ATAD2B: variants seen among roughly 807,000 people sequenced by gnomAD.
ATAD2B encodes the protein ATPase family AAA domain-containing protein 2B.
A neutral mutation model predicts 167.6 loss-of-function variants in ATAD2B; 40 were observed. That is an observed-to-expected ratio of 0.24 (90% CI 0.19 to 0.31). The LOEUF (loss-of-function observed/expected upper bound fraction) is 0.31. ATAD2B is among the 10% of genes least tolerant of loss of function. ATAD2B has a pLI of 1.00. For missense variants in ATAD2B, 1,242 were observed against 1,757.2 expected, an observed-to-expected ratio of 0.71 and a Z score of 5.24; for synonymous variants, 579 against 596.5, an observed-to-expected ratio of 0.97 and a Z score of 0.43.
At chr2:23,769,493 T>A (rs896826624) in intron 22 of ATAD2B, among the ~76,000 whole-genome samples, 3 of 151,994 alleles carry the variant, frequency 2.0e-5, no homozygotes, top group Admixed American at 1.3e-4. Flanking sequence ...CAGCCCTTTG[T>A]ATCCACAGGT....
chr2:23,892,602 GC>G (rs1347382390), intron 2 of ATAD2B, among the ~76,000 whole-genome samples: 3 of 151,696 alleles, frequency 2.0e-5, no homozygotes, highest in African/African-American at 7.3e-5. Flanking sequence ...CTCCCAACTA[GC>G]TGGGTACAGG....
intron 24 of ATAD2B, among the ~76,000 whole-genome samples, chr2:23,759,777 C>T (rs958431609): frequency 6.6e-6 from 1 of 152,140 alleles, no homozygotes; most frequent in African/African-American, 2.4e-5. Context: ...CTGTATTAAT[C>T]TACTGTTAAA....
At chr2:23,903,850 T>A (rs983683707) in intron 1 of ATAD2B, among the ~76,000 whole-genome samples, 5 of 152,084 alleles carry the variant, frequency 3.3e-5, no homozygotes, top group Non-Finnish European at 7.3e-5. Context: ...AGAAATTTAG[T>A]CCAGAAAACA....
At chr2:23,703,596 G>A in the ATAD2B span, 2 of 1,263,810 alleles carry the variant, frequency 1.6e-6, no homozygotes, top group Non-Finnish European at 2.1e-6. Context: ...CCCATCCCCA[G>A]GCCAATCAGT....
chr2:23,787,416 T>C (rs1346155690), intron 20 of ATAD2B, among the ~76,000 whole-genome samples: 1 of 152,028 alleles, frequency 6.6e-6, no homozygotes, highest in African/African-American at 2.4e-5. Flanking sequence ...TTGAAATAAA[T>C]CATTTTCATA....
At chr2:23,726,483 G>C in the ATAD2B span, among the ~76,000 whole-genome samples, 1 of 152,088 alleles carries the variant, frequency 6.6e-6, no homozygotes, top group Non-Finnish European at 1.5e-5. Context: ...CTTTTCATTA[G>C]CTGGAGGTAT....
chr2:23,681,332 G>A, the ATAD2B span, among the ~76,000 whole-genome samples: 1 of 152,216 alleles, frequency 6.6e-6, no homozygotes, highest in African/African-American at 2.4e-5. The surrounding 1 kb of genome is among the most constrained non-coding windows in gnomAD (Gnocchi z 4.2). Context: ...AGAGCAGAAA[G>A]CACCTACATT....
the ATAD2B span, chr2:23,703,735 C>T: frequency 9.1e-6 from 14 of 1,536,636 alleles, no homozygotes; most frequent in East Asian, 1.5e-4. Context: ...AGTATGCCCC[C>T]GCTGTCACGC....
chr2:23,714,875 T>C, the ATAD2B span, among the ~76,000 whole-genome samples: 1 of 151,378 alleles, frequency 6.6e-6, no homozygotes, highest in African/African-American at 2.4e-5. Context: ...AAGAAAAATA[T>C]ATGTATTTTT....
chr2:23,924,824 T>TAA lies in ATAD2B; in HGVS notation c.216+1730_216+1731insTT, dbSNP rs1288555971. On this transcript the variant is annotated intron_variant, in intron 1 of 27. Transcript: ENST00000238789. ...ACCAAATGTTCATTTCCTCATTAGA[T>TAA]TATTGATTCCTAGCCTTTTAACATC... Among the ~76,000 whole-genome samples the TAA allele has an allele frequency of 2.0e-5, 3 of 152,220 alleles. No individual in the cohort carries two copies. In the East Asian group the frequency reaches 5.8e-4, roughly 29 times the overall value.
At chr2:23,819,983 T>A in intron 16 of ATAD2B, 101 bp from the exon 17 acceptor site, 1 of 757,944 alleles carries the variant, frequency 1.3e-6, no homozygotes, top group Non-Finnish European at 2.0e-6. Context: ...CAAATGACAT[T>A]AATAAGTTAT....
chr2:23,812,909 A>C (rs1685834166), intron 17 of ATAD2B, among the ~76,000 whole-genome samples: 1 of 152,018 alleles, frequency 6.6e-6, no homozygotes. Context: ...AGTAACAAGC[A>C]CTTGATAGAG....
rs11386515 is a variant in ATAD2B at position 23,922,701 on chromosome 2, C to CAAAAAAAAAAAAAAA, written c.216+3839_216+3853dup. Among the ~76,000 whole-genome samples, 377 of 125,920 alleles carry CAAAAAAAAAAAAAAA rather than the reference C, an allele frequency of 3.0e-3. 4 individuals carry two copies. Among genetic ancestry groups the CAAAAAAAAAAAAAAA allele is most frequent in the African/African-American group, 7.6e-3 (234 of 30,992 alleles). The allele number at this position is 125,920 out of a possible 152,430, so 82.6% of individuals were successfully genotyped here. A position where few individuals can be genotyped will look rare whatever the true frequency, so the allele number is the denominator to read the frequency against. On this transcript the variant is annotated intron_variant, in intron 1 of 27. Coordinates refer to ENST00000238789, the MANE Select transcript of ATAD2B (RefSeq NM_017552.4). ...TGGGCATCAGAGTAAGACTCTGTCT[C>CAAAAAAAAAAAAAAA]AAAAAAAAAAAAAAAGGGTCCTAAC...
Position 23,926,704 on chromosome 2 carries a change from G to C in ATAD2B, c.67C>G (p.Pro23Ala). 6.4e-7 allele frequency: 1 copy of C among 1,550,400 alleles called. No homozygotes were observed. The highest frequency in any genetic ancestry group is 8.7e-7 in the Non-Finnish European group (1 of 1,147,294). ...GSKSPGPGPG[P>A]GAGAEPGATG... is the part of the protein sequence containing the mutation. ...GCCCCAGGCTCTGCTCCGGCCCCAG[G>C]CCCAGGCCCGGGACCAGGAGACTTG... The change falls in exon 1 of 28, where the codon CCT becomes GCT. Residue 23 changes from proline to alanine, a missense_variant. By Grantham distance (27) the Pro-to-Ala change is conservative. This residue lies in a region of ATAD2B where 199 missense variants were observed against 194.9 expected (regional missense o/e 1.02). Coordinates refer to ENST00000238789, the MANE Select transcript of ATAD2B (RefSeq NM_017552.4).
chr2:23,848,378 G>A (rs563878360), intron 13 of ATAD2B, among the ~76,000 whole-genome samples: 17 of 152,156 alleles, frequency 1.1e-4, no homozygotes, highest in Non-Finnish European at 2.4e-4. Context: ...TACGCAGGAG[G>A]CTCAGGCAGG....
rs541641730 is a variant in ATAD2B at position 23,819,134 on chromosome 2, G to A, written c.2267+613C>T. Among the ~76,000 whole-genome samples the A allele has an allele frequency of 3.3e-5, 5 of 152,248 alleles. No individual in the cohort carries two copies. The East Asian group carries it at 7.7e-4, about 24-fold the overall frequency. On this transcript the variant is annotated intron_variant, in intron 17 of 27. Coordinates refer to ENST00000238789, the MANE Select transcript of ATAD2B (RefSeq NM_017552.4). ...AAAAAGCAATAAAGTTGGGGCTCATGAGTTGACTTTCTAAGGGTAAGCTTT... is the reference window on the plus strand; with the variant it reads ...AAAAAGCAATAAAGTTGGGGCTCATAAGTTGACTTTCTAAGGGTAAGCTTT...
rs1558714074 is a variant in ATAD2B at position 23,878,025 on chromosome 2, A to AAAAAAAAAAAAAAAAAAAG, written c.902-2122_902-2121insCTTTTTTTTTTTTTTTTTT. Among the ~76,000 whole-genome samples the AAAAAAAAAAAAAAAAAAAG allele has an allele frequency of 1.7e-3, 178 of 106,912 alleles. 11 individuals carry two copies. Among genetic ancestry groups the AAAAAAAAAAAAAAAAAAAG allele is most frequent in the East Asian group, 5.0e-3 (13 of 2,610 alleles). 70.1% of individuals were successfully genotyped at this position (106,912 alleles called of 152,430 possible). A position where few individuals can be genotyped will look rare whatever the true frequency, so the allele number is the denominator to read the frequency against. ...ACCCTATCTCCAAAGAAAAAAAAAAAAAAAAAAAAAAAAAGCAAAATGTAT... is the reference window on the plus strand; with the variant it reads ...ACCCTATCTCCAAAGAAAAAAAAAAAAAAAAAAAAAAAAAAAAAGAAAAAAAAAAAAAAGCAAAATGTAT... On this transcript the variant is annotated intron_variant, in intron 7 of 27. Transcript: ENST00000238789.
chr2:23,811,083 AT>A (rs1685512644), intron 17 of ATAD2B: 1 of 152,638 alleles, frequency 6.6e-6, no homozygotes, highest in South Asian at 2.1e-4. Context: ...ATAAAATAAA[AT>A]AACCTTGGTA....
intron 1 of ATAD2B, among the ~76,000 whole-genome samples, chr2:23,896,671 T>TA (rs1236777669): frequency 4.6e-5 from 7 of 152,160 alleles, no homozygotes; most frequent in African/African-American, 1.7e-4. Flanking sequence ...ATTGGTATAA[T>TA]ACAGAGTCAA....
Sources: allele counts gnomAD v4.1 joint callset (sites outside exome capture counted in the v4.1 genomes callset), GRCh38; gene constraint gnomAD v4.1.1; regional missense constraint gnomAD v4.1.1; non-coding constraint Gnocchi (gnomAD v3.1); transcripts MANE v1.5; gene names NCBI Gene and HGNC (gene_info 2026-07-23, HGNC 2026-07-21).